Variants in DST observed in about 807,000 individuals in gnomAD.
The protein encoded by DST is dystonin, also known as bullous pemphigoid antigen.
Under a neutral mutation model 875.2 loss-of-function variants are expected in DST, and 253 were observed. The ratio of observed to expected loss-of-function variants is 0.29; its 90% CI spans 0.26 to 0.32. The LOEUF is 0.32. Among genes scored for constraint, DST ranks in the 10% least tolerant of loss-of-function variants. The probability of loss-of-function intolerance (pLI) is 1.00; values close to 1 mark genes in which losing one functional copy is unlikely to be tolerated. For missense variants in DST, 8,287 were observed against 9,111.6 expected, an observed-to-expected ratio of 0.91 and a Z score of 3.68; for synonymous variants, 3,124 against 3,197.1, an observed-to-expected ratio of 0.98 and a Z score of 0.77.
intron 90 of DST, among the ~76,000 whole-genome samples, chr6:56,480,469 T>G (rs1431422210): frequency 6.6e-6 from 1 of 152,206 alleles, no homozygotes; most frequent in East Asian, 1.9e-4. Flanking sequence ...AGTCTGAACC[T>G]TACCTTACTG....
chr6:56,521,182 T>C (rs1486247248), intron 69 of DST, among the ~76,000 whole-genome samples: 1 of 152,114 alleles, frequency 6.6e-6, no homozygotes, highest in Non-Finnish European at 1.5e-5. Flanking sequence ...CTGTGGATTC[T>C]TACTTTTCAA....
In DST at chr6:56,618,437, T is replaced by G. The variant is rs1316065561; in HGVS notation, c.4930-3953A>C. The G allele has an allele frequency of 4.3e-6, 7 of 1,614,112 alleles. No individual in the cohort carries two copies. In the African/African-American group the frequency reaches 8.0e-5, roughly 18 times the overall value. On this transcript the variant is annotated intron_variant, in intron 36 of 103. Coordinates refer to ENST00000680361, the MANE Select transcript of DST (RefSeq NM_001374736.1). The stretch of plus-strand genomic sequence containing the variant: ...TTTGGCTGTGCTCTTTTTTTGAATT[T>G]CACACTGGAGCAAAACTAATTGATG...
chr6:56,738,521 C>A (rs559653824), intron 4 of DST, among the ~76,000 whole-genome samples: 2 of 152,066 alleles, frequency 1.3e-5, no homozygotes, highest in African/African-American at 4.8e-5. Context: ...GGGGTTTCAC[C>A]GTGTTAGCCA....
chr6:56,678,379 C>T (rs1005109103), intron 9 of DST, among the ~76,000 whole-genome samples: 1 of 152,346 alleles, frequency 6.6e-6, no homozygotes, highest in African/African-American at 2.4e-5. Flanking sequence ...AATTATCTGG[C>T]TTCATCAACA....
intron 100 of DST, 106 bp from the exon 101 acceptor site, chr6:56,463,870 G>T (rs774589681): frequency 1.7e-6 from 2 of 1,168,154 alleles, no homozygotes; most frequent in East Asian, 4.7e-5. Flanking sequence ...ATCACGTTGA[G>T]AATTTCAAGA....
chr6:56,658,695 GTTCATTCATTTA>G, intron 10 of DST, among the ~76,000 whole-genome samples: 1 of 152,268 alleles, frequency 6.6e-6, no homozygotes, highest in East Asian at 1.9e-4. Flanking sequence ...AAACTAGCAA[GTTCATTCATTTA>G]TTCATTCACT....
At chr6:56,472,439 T>C (rs2094944280) in intron 93 of DST, among the ~76,000 whole-genome samples, 3 of 152,238 alleles carry the variant, frequency 2.0e-5, no homozygotes, top group Non-Finnish European at 4.4e-5. Flanking sequence ...GAAATATCTC[T>C]GGACAGGGGC....
chr6:56,463,631 G>C lies in DST; in HGVS notation c.22893C>G (p.Ser7631=). 1 of 1,613,626 alleles carries C rather than the reference G, an allele frequency of 6.2e-7. No homozygotes were observed. Among genetic ancestry groups the C allele is most frequent in the Non-Finnish European group, 8.5e-7 (1 of 1,179,662 alleles). Residue 7631 remains serine, a synonymous_variant, in exon 101 of 104, where the codon TCC becomes TCG. Transcript: ENST00000680361. ...PSSRGASPNR[S]TSVSSQAAQA... ...GCGCAGCCTGACTGGACACAGAAGT[G>C]GATCTGTTGGGTGAAGCGCCTCGTG...
At chr6:56,839,229 G>C (rs1109481) in intron 4 of DST, among the ~76,000 whole-genome samples, 5,230 of 152,232 alleles carry the variant, frequency 0.034, 287 homozygotes, top group African/African-American at 0.12. Flanking sequence ...AAATAGAGGA[G>C]TCTGAGTCCC....
rs761468973 is a variant in DST at position 56,634,969 on chromosome 6, A to C, written c.3187-16T>G. The C allele has an allele frequency of 6.2e-7, 1 of 1,601,420 alleles. No individual in the cohort carries two copies. Among genetic ancestry groups the C allele is most frequent in the Admixed American group, 1.7e-5 (1 of 59,982 alleles). On this transcript the variant is annotated splice_polypyrimidine_tract_variant and intron_variant, in intron 24 of 103. Coordinates refer to ENST00000680361, the MANE Select transcript of DST (RefSeq NM_001374736.1). ...CTTTCTCTTCCTAAGTAATAAATAC[A>C]GTGAATTTTAAGAAGTAAAAGACTT...
At chr6:56,669,250 C>A (rs1588175764) in intron 10 of DST, among the ~76,000 whole-genome samples, 2 of 122,254 alleles carry the variant, frequency 1.6e-5, no homozygotes, top group Non-Finnish European at 1.7e-5. Context: ...AGAAATATAG[C>A]AAGTTATTCA....
intron 66 of DST, among the ~76,000 whole-genome samples, chr6:56,529,219 G>A (rs1438682504): frequency 1.3e-5 from 2 of 152,028 alleles, no homozygotes; most frequent in South Asian, 2.1e-4. Flanking sequence ...ACAGGTCTTT[G>A]TATACAACAA....
chr6:56,780,728 T>A (rs1258931229), intron 4 of DST, among the ~76,000 whole-genome samples: 37 of 150,646 alleles, frequency 2.5e-4, no homozygotes, highest in Non-Finnish European at 4.8e-4. Flanking sequence ...CTCTTTAGTT[T>A]AATTAGATCC....
chr6:56,877,028 T>G (rs1187781802), intron 3 of DST, among the ~76,000 whole-genome samples: 1 of 152,220 alleles, frequency 6.6e-6, no homozygotes, highest in East Asian at 1.9e-4. Flanking sequence ...ATTTTTAAAT[T>G]GACTTGTATT....
At chr6:56,773,733 T>G (rs1465943880) in intron 4 of DST, among the ~76,000 whole-genome samples, 1 of 152,222 alleles carries the variant, frequency 6.6e-6, no homozygotes, top group Non-Finnish European at 1.5e-5. Context: ...GGCTTAAAAT[T>G]GTTACAGTAT....
chr6:56,907,033 C>T (rs1040503610), intron 2 of DST, among the ~76,000 whole-genome samples: 1 of 152,096 alleles, frequency 6.6e-6, no homozygotes, highest in Non-Finnish European at 1.5e-5. Flanking sequence ...TAACCCAGTA[C>T]ATCTCATGGG....
chr6:56,924,281 CGCA>C (rs1805846321), intron 2 of DST, among the ~76,000 whole-genome samples: 1 of 152,136 alleles, frequency 6.6e-6, no homozygotes. Flanking sequence ...TATCACTGAA[CGCA>C]GAGTTGGAAC....
intron 3 of DST, among the ~76,000 whole-genome samples, chr6:56,899,237 GT>G (rs1439187001): frequency 6.6e-6 from 1 of 152,158 alleles, no homozygotes; most frequent in African/African-American, 2.4e-5. Flanking sequence ...TAAAATGCAT[GT>G]TTGTTGAATG....
At chr6:56,662,803 A>G (rs1267213553) in intron 10 of DST, among the ~76,000 whole-genome samples, 1 of 151,282 alleles carries the variant, frequency 6.6e-6, no homozygotes, top group Non-Finnish European at 1.5e-5. Flanking sequence ...TTAGTTGGGC[A>G]TGGGGGCGGG....
Sources: allele counts gnomAD v4.1 joint callset (sites outside exome capture counted in the v4.1 genomes callset), GRCh38; gene constraint gnomAD v4.1.1; transcripts MANE v1.5; gene names NCBI Gene and HGNC (gene_info 2026-07-23, HGNC 2026-07-21).